Variants in LRP1B observed in about 807,000 individuals in gnomAD.
LRP1B encodes LDL receptor related protein 1B, also known as low-density lipoprotein receptor-related protein 1B.
Under a neutral mutation model 556.6 loss-of-function variants are expected in LRP1B, and 217 were observed. That is an observed-to-expected ratio of 0.39 (90% CI 0.35 to 0.44). LRP1B has a LOEUF of 0.44. Ranked by LOEUF, LRP1B falls within the 20% of genes least tolerant of loss-of-function variation. LRP1B has a pLI of 1.00. For synonymous variants in LRP1B, 2,047 were observed against 1,865.8 expected (o/e 1.10, Z -2.50); for missense variants, 5,053 against 5,620.8 (o/e 0.90, Z 3.23).
intron 11 of LRP1B, among the ~76,000 whole-genome samples, chr2:141,031,300 A>AAG (rs1201134291): frequency 5.2e-4 from 77 of 147,802 alleles, no homozygotes; most frequent in African/African-American, 1.9e-3. Flanking sequence ...TATATATATA[A>AAG]AGAGAGAGAG....
intron 1 of LRP1B, among the ~76,000 whole-genome samples, chr2:142,128,881 G>T (rs1574716010): frequency 6.6e-6 from 1 of 151,840 alleles, no homozygotes; most frequent in Admixed American, 6.6e-5. Flanking sequence ...AAAGTTGTGG[G>T]GTCTGTATTT....
At chr2:140,234,227 G>C (rs1573660059) in intron 90 of LRP1B, among the ~76,000 whole-genome samples, 1 of 151,374 alleles carries the variant, frequency 6.6e-6, no homozygotes, top group South Asian at 2.1e-4. Context: ...TCATCCCTAG[G>C]AATCTTGATA....
chr2:141,737,553 A>G (rs1693529427), intron 2 of LRP1B, among the ~76,000 whole-genome samples: 1 of 152,150 alleles, frequency 6.6e-6, no homozygotes, highest in Non-Finnish European at 1.5e-5. Context: ...GCCTTCAGGG[A>G]AAAAAACTGC....
chr2:141,645,966 T>C (rs561228780), intron 2 of LRP1B, among the ~76,000 whole-genome samples: 1 of 152,286 alleles, frequency 6.6e-6, no homozygotes, highest in African/African-American at 2.4e-5. Flanking sequence ...TCTTATCAAT[T>C]TTTATAAGAG....
intron 35 of LRP1B, among the ~76,000 whole-genome samples, chr2:140,761,381 T>G (rs2380915): frequency 1.3e-5 from 2 of 151,920 alleles, no homozygotes; most frequent in Admixed American, 6.6e-5. Flanking sequence ...CTCTTACCCC[T>G]ACCACCTGGT....
At chr2:142,028,261 T>C (rs1703573295) in intron 1 of LRP1B, among the ~76,000 whole-genome samples, 1 of 151,984 alleles carries the variant, frequency 6.6e-6, no homozygotes, top group Non-Finnish European at 1.5e-5. Flanking sequence ...CACAGAGTTG[T>C]GTTACTATCA....
chr2:141,676,796 T>G (rs1690899677), intron 2 of LRP1B, among the ~76,000 whole-genome samples: 1 of 152,186 alleles, frequency 6.6e-6, no homozygotes, highest in South Asian at 2.1e-4. Context: ...TATTTCTCTT[T>G]AATTCTGTAC....
At chr2:140,744,538 G>A (rs962801850) in intron 35 of LRP1B, among the ~76,000 whole-genome samples, 2 of 152,156 alleles carry the variant, frequency 1.3e-5, no homozygotes, top group South Asian at 4.1e-4. Context: ...GGCTCACAGA[G>A]CGGCAATTTA....
chr2:141,690,379 A>T, intron 2 of LRP1B, among the ~76,000 whole-genome samples: 1 of 135,748 alleles, frequency 7.4e-6, no homozygotes, highest in South Asian at 2.4e-4. Flanking sequence ...AAATCCAGAA[A>T]AGGGATTACA....
At chr2:141,514,287 C>G (rs912869232) in intron 2 of LRP1B, among the ~76,000 whole-genome samples, 1 of 152,106 alleles carries the variant, frequency 6.6e-6, no homozygotes, top group Non-Finnish European at 1.5e-5. Context: ...TATGTAATGC[C>G]CCAGACTTCA....
chr2:141,982,202 GA>G (rs1702063401), intron 1 of LRP1B, among the ~76,000 whole-genome samples: 1 of 152,164 alleles, frequency 6.6e-6, no homozygotes, highest in Admixed American at 6.5e-5. Context: ...GGTAGGTGGA[GA>G]CAATGTCTTA....
At chr2:141,709,239 C>G (rs1335916579) in intron 2 of LRP1B, among the ~76,000 whole-genome samples, 1 of 151,952 alleles carries the variant, frequency 6.6e-6, no homozygotes, top group Admixed American at 6.6e-5. Flanking sequence ...GTCCCAGCTA[C>G]TCAGGAGGCT....
intron 1 of LRP1B, among the ~76,000 whole-genome samples, chr2:141,841,165 A>G (rs1697459218): frequency 1.3e-5 from 2 of 152,150 alleles, no homozygotes; most frequent in East Asian, 3.9e-4. Flanking sequence ...TGAACCAAGG[A>G]TAAGTAATGA....
At chr2:140,979,932 G>T (rs1018026784) in intron 18 of LRP1B, among the ~76,000 whole-genome samples, 1 of 151,988 alleles carries the variant, frequency 6.6e-6, no homozygotes, top group African/African-American at 2.4e-5. Flanking sequence ...TTAATAGAAA[G>T]ATACGTGTCT....
At chr2:140,965,662 C>T (rs908816810) in intron 18 of LRP1B, among the ~76,000 whole-genome samples, 2 of 152,222 alleles carry the variant, frequency 1.3e-5, no homozygotes, top group East Asian at 1.9e-4. Flanking sequence ...CCCATTAACT[C>T]GTCATTTACA....
intron 86 of LRP1B, among the ~76,000 whole-genome samples, chr2:140,255,654 A>G (rs1367117906): frequency 6.6e-6 from 1 of 152,202 alleles, no homozygotes; most frequent in African/African-American, 2.4e-5. Context: ...CTGTTTGACA[A>G]ATGAATAGAT....
intron 84 of LRP1B, 107 bp downstream of exon 84, chr2:140,297,701 G>T: frequency 7.8e-7 from 1 of 1,290,132 alleles, no homozygotes; most frequent in Non-Finnish European, 1.1e-6. Context: ...GACTGAACCT[G>T]AAAAATAGAG....
intron 2 of LRP1B, among the ~76,000 whole-genome samples, chr2:141,523,291 T>G (rs1295855262): frequency 6.6e-6 from 1 of 152,158 alleles, no homozygotes; most frequent in Non-Finnish European, 1.5e-5. Context: ...CTTGAGTTTT[T>G]GAAATGATAA....
chr2:141,002,227 GA>G (rs5834797), intron 15 of LRP1B, among the ~76,000 whole-genome samples: 47,433 of 150,656 alleles, frequency 0.31, 7,599 homozygotes, highest in East Asian at 0.58. Flanking sequence ...CATTACTAAA[GA>G]AAAAAAAACC....
Sources: allele counts gnomAD v4.1 joint callset (sites outside exome capture counted in the v4.1 genomes callset), GRCh38; gene constraint gnomAD v4.1.1; transcripts MANE v1.5; gene names NCBI Gene and HGNC (gene_info 2026-07-23, HGNC 2026-07-21).